The following LOXHD1 variants were observed in gnomAD, a reference collection of about 807,000 sequenced individuals.
LOXHD1 encodes the protein lipoxygenase homology PLAT domains 1, also known as lipoxygenase homology domain-containing protein 1.
In LOXHD1, 205 loss-of-function variants were observed where a neutral mutation model predicts 248.2. The ratio of observed to expected loss-of-function variants is 0.83; its 90% CI spans 0.74 to 0.93. The LOEUF is 0.93. Among genes scored for constraint, LOXHD1 ranks in the 40% least tolerant of loss-of-function variants. LOXHD1 has a pLI of 0.00. For missense variants in LOXHD1, 2,930 were observed against 2,971.6 expected (o/e 0.99, Z 0.33); for synonymous variants, 1,113 against 1,162.8 (o/e 0.96, Z 0.87).
At chr18:46,504,401 T>G (rs1043568227) in intron 37 of LOXHD1, among the ~76,000 whole-genome samples, 2 of 152,174 alleles carry the variant, frequency 1.3e-5, no homozygotes, top group African/African-American at 2.4e-5. Context: ...CCACAGCCCC[T>G]GGCCTCACAA....
In LOXHD1 at chr18:46,559,506, T is replaced by C. The variant is rs1486253219; in HGVS notation, c.3158A>G (p.Asp1053Gly). Reference sequence around the variant, plus strand: ...CTTCTTCAGGGGTCGTTCGCCCGTGTCTCCATACTCCTCGCCGTAGATGGT... The same window carrying C: ...CTTCTTCAGGGGTCGTTCGCCCGTGCCTCCATACTCCTCGCCGTAGATGGT... ...YLTIYGEEYGDTGERPLKKSD... is the reference protein window; with the variant it reads ...YLTIYGEEYGGTGERPLKKSD... Residue 1053 changes from aspartate to glycine, a missense_variant, in exon 20 of 41, where the codon GAC becomes GGC. By Grantham distance (94) the Asp-to-Gly change is moderately conservative (BLOSUM62 -1). Transcript: ENST00000642948. 6 of 1,551,974 alleles carry C rather than the reference T, an allele frequency of 3.9e-6. No individual in the cohort carries two copies. In the African/African-American group the frequency reaches 8.2e-5, roughly 21 times the overall value.
chr18:46,569,450 T>C lies in LOXHD1; in HGVS notation c.2236A>G (p.Ile746Val), dbSNP rs1300857114. 3 of 1,551,614 alleles carry C rather than the reference T, an allele frequency of 1.9e-6. No homozygotes were observed. Among genetic ancestry groups the C allele is most frequent in the East Asian group, 2.4e-5 (1 of 40,924 alleles). Residue 746 changes from isoleucine (I) to valine (V), a missense_variant, in exon 16 of 41, where the codon ATT becomes GTT. Coordinates refer to ENST00000642948, the MANE Select transcript of LOXHD1 (RefSeq NM_001384474.1). The stretch of plus-strand genomic sequence containing the variant: ...TTGGGAAGGAGACTTACATTTCCAA[T>C]GTTCAGGGTCTCGAGGGTGAACTCA... Reference protein sequence around the residue: ...VDEFTLETLNIGNINRLVIGH... With the variant: ...VDEFTLETLNVGNINRLVIGH...
chr18:46,529,033 G>A (rs2144217377), intron 29 of LOXHD1, 144 bp downstream of exon 29: 1 of 984,004 alleles, frequency 1.0e-6, no homozygotes, highest in South Asian at 1.8e-5. Context: ...ACTTGCAAGG[G>A]AAGGGCAAGG....
intron 39 of LOXHD1, 43 bp downstream of exon 39, chr18:46,484,976 C>T (rs1364753822): frequency 1.3e-6 from 2 of 1,541,750 alleles, no homozygotes; most frequent in South Asian, 2.4e-5. Flanking sequence ...TCCTCCCTTA[C>T]CTACCCACCC....
chr18:46,639,008 G>C (rs2038928465), intron 4 of LOXHD1, among the ~76,000 whole-genome samples: 1 of 152,212 alleles, frequency 6.6e-6, no homozygotes, highest in South Asian at 2.1e-4. Context: ...AATATGTTCT[G>C]TGATGGGATG....
chr18:46,505,212 C>T (rs1160372217), intron 37 of LOXHD1, among the ~76,000 whole-genome samples: 5 of 150,438 alleles, frequency 3.3e-5, no homozygotes, highest in Admixed American at 3.3e-4. Context: ...GACAGGTTCT[C>T]ACTCTGTCAT....
chr18:46,504,698 G>A (rs141095974), intron 37 of LOXHD1, among the ~76,000 whole-genome samples: 1 of 152,322 alleles, frequency 6.6e-6, no homozygotes, highest in African/African-American at 2.4e-5. Context: ...ACCGAGTTGG[G>A]TTTCGTCAGT....
intron 4 of LOXHD1, among the ~76,000 whole-genome samples, chr18:46,625,958 C>A (rs560094522): frequency 6.6e-6 from 1 of 152,164 alleles, no homozygotes; most frequent in Non-Finnish European, 1.5e-5. Flanking sequence ...TCCCAGAGGG[C>A]CAGAACACCA....
At chr18:46,524,991 G>A (rs2035763358) in intron 29 of LOXHD1, 74 bp from the exon 30 acceptor site, 1 of 1,496,326 alleles carries the variant, frequency 6.7e-7, no homozygotes, top group Admixed American at 2.0e-5. Context: ...CACCCTTCTG[G>A]GACCTTCCTT....
intron 2 of LOXHD1, among the ~76,000 whole-genome samples, chr18:46,643,267 A>G (rs2038986072): frequency 6.6e-6 from 1 of 152,154 alleles, no homozygotes; most frequent in African/African-American, 2.4e-5. Context: ...AGAGGCACAG[A>G]ACCTTCTGAG....
intron 25 of LOXHD1, 38 bp downstream of exon 25, chr18:46,541,738 C>A: frequency 6.4e-7 from 1 of 1,550,618 alleles, no homozygotes; most frequent in Non-Finnish European, 8.7e-7. Context: ...GTGATGGGGC[C>A]CCAGAGAAGG....
chr18:46,536,753 C>T (rs1270162580), intron 26 of LOXHD1, among the ~76,000 whole-genome samples: 1 of 152,210 alleles, frequency 6.6e-6, no homozygotes, highest in Non-Finnish European at 1.5e-5. Flanking sequence ...GACCTTCCCA[C>T]AAGTGCTGAC....
At position 46,566,304 on chromosome 18, in the gene LOXHD1, C is replaced by T. The variant is rs749683461; in HGVS notation, c.2390G>A (p.Arg797His). 6.4e-6 allele frequency: 10 copies of T among 1,551,688 alleles called. No individual in the cohort carries two copies. The highest frequency in any genetic ancestry group is 2.4e-5 in the East Asian group (1 of 40,932). Residue 797 changes from arginine (R) to histidine (H), a missense_variant, in exon 17 of 41, where the codon CGC becomes CAC. Transcript: ENST00000642948. ...GCTGGGATACAGCTCCACCTCCAGG[C>T]GCCCGTCAGCCTGGTTCTTGTCCAG... ...RWLDKNQADG[R>H]LEVELYPSEV... is the part of the protein sequence containing the mutation.
chr18:46,617,602 A>T (rs2038606738), intron 5 of LOXHD1, among the ~76,000 whole-genome samples: 1 of 151,906 alleles, frequency 6.6e-6, no homozygotes, highest in Non-Finnish European at 1.5e-5. Context: ...ATTGTTACAA[A>T]ATTCACATGT....
chr18:46,515,961 G>C lies in LOXHD1; in HGVS notation c.5399+2168C>G, dbSNP rs563328272. 3.3e-5 allele frequency among the ~76,000 whole-genome samples: 5 copies of C among 152,250 alleles called. 1 individual carries two copies. The South Asian group carries it at 1.0e-3, about 32-fold the overall frequency. ...CCAATGCAATCACGTATGAAATCCCGATTCTGGCTACCCTACCTCCAGCTT... is the reference window on the plus strand; with the variant it reads ...CCAATGCAATCACGTATGAAATCCCCATTCTGGCTACCCTACCTCCAGCTT... On this transcript the variant is annotated intron_variant, in intron 34 of 40. Transcript: ENST00000642948.
rs753481263 is a variant in LOXHD1, at chr18:46,601,395, A to C, written c.956T>G (p.Val319Gly). The change falls in exon 8 of 41, where the codon GTC (valine) becomes GGC (glycine). Residue 319 changes from valine (V) to glycine (G), a missense_variant. Coordinates refer to ENST00000642948, the MANE Select transcript of LOXHD1 (RefSeq NM_001384474.1). ...GAGTKSKIYLVMYGARGNKNS... is the reference protein window; with the variant it reads ...GAGTKSKIYLGMYGARGNKNS... ...CTTATTCCCTCTGGCCCCATACATG[A>C]CCAAGTAGATTTTGGATTTGGTACC... is the stretch of plus-strand genomic sequence containing the variant. 3 of 1,551,706 alleles carry C rather than the reference A, an allele frequency of 1.9e-6. No individual in the cohort carries two copies. The South Asian group carries it at 3.6e-5, about 18-fold the overall frequency.
intron 34 of LOXHD1, among the ~76,000 whole-genome samples, chr18:46,516,891 C>T (rs1372521293): frequency 6.6e-6 from 1 of 152,104 alleles, no homozygotes; most frequent in Non-Finnish European, 1.5e-5. Context: ...TCATCACTAC[C>T]ATCATCCCAG....
At chr18:46,494,944 C>T (rs1016303479) in intron 37 of LOXHD1, among the ~76,000 whole-genome samples, 12 of 149,406 alleles carry the variant, frequency 8.0e-5, no homozygotes, top group Admixed American at 3.4e-4. Flanking sequence ...AGCTCCGCCT[C>T]CCGGGTTCAC....
chr18:46,572,993 A>G (rs2037784036), intron 14 of LOXHD1, among the ~76,000 whole-genome samples: 1 of 133,606 alleles, frequency 7.5e-6, no homozygotes, highest in East Asian at 2.5e-4. Context: ...ACTGCACTCC[A>G]GCCTGGGCGA....
Sources: allele counts gnomAD v4.1 joint callset (sites outside exome capture counted in the v4.1 genomes callset), GRCh38; gene constraint gnomAD v4.1.1; transcripts MANE v1.5; gene names NCBI Gene and HGNC (gene_info 2026-07-23, HGNC 2026-07-21).